Variants in SPOCK1 observed in about 807,000 individuals in gnomAD.
SPOCK1 encodes the protein testican-1.
SPOCK1 carries 23 observed loss-of-function variants against 55.3 expected under a neutral mutation model. That is an observed-to-expected ratio of 0.42 (90% CI 0.30 to 0.59). The LOEUF (loss-of-function observed/expected upper bound fraction) is 0.59. Among genes scored for constraint, SPOCK1 ranks in the 20% least tolerant of loss-of-function variants. The pLI, the probability that SPOCK1 is intolerant of heterozygous loss-of-function variation, is 0.22. For synonymous variants in SPOCK1, 226 were observed against 221.0 expected, an observed-to-expected ratio of 1.02 and a Z score of -0.20; for missense variants, 499 against 552.5, an observed-to-expected ratio of 0.90 and a Z score of 0.97.
chr5:137,363,652 A>C (rs963973676), intron 2 of SPOCK1, among the ~76,000 whole-genome samples: 1 of 152,218 alleles, frequency 6.6e-6, no homozygotes, highest in Non-Finnish European at 1.5e-5. Flanking sequence ...GACGGGGACT[A>C]GATTTGTCTT....
intron 4 of SPOCK1, among the ~76,000 whole-genome samples, chr5:137,126,688 GGAGGCGGAGGCTGCAGT>G (rs1432505735): frequency 2.6e-5 from 4 of 152,142 alleles, no homozygotes; most frequent in African/African-American, 9.7e-5. Flanking sequence ...CTTGAACCCA[GGAGGCGGAGGCTGCAGT>G]GAGCTGAGAT....
At chr5:137,215,464 C>T (rs186544273) in intron 3 of SPOCK1, among the ~76,000 whole-genome samples, 107 of 152,222 alleles carry the variant, frequency 7.0e-4, no homozygotes, top group Non-Finnish European at 1.2e-3. Flanking sequence ...CAAAATGTCT[C>T]GTCTTCAATG....
intron 3 of SPOCK1, among the ~76,000 whole-genome samples, chr5:137,177,675 T>A (rs989147265): frequency 2.0e-5 from 3 of 152,062 alleles, no homozygotes; most frequent in African/African-American, 7.2e-5. Context: ...TTAAAAAAAG[T>A]ATTCCTCCGC....
chr5:137,456,446 T>C (rs1561540598), intron 2 of SPOCK1, among the ~76,000 whole-genome samples: 2 of 152,212 alleles, frequency 1.3e-5, no homozygotes, highest in African/African-American at 4.8e-5. Context: ...CCTTTATAAC[T>C]TCTAATTCTC....
intron 3 of SPOCK1, among the ~76,000 whole-genome samples, chr5:137,252,082 T>C (rs1024578509): frequency 2.0e-5 from 3 of 152,124 alleles, no homozygotes; most frequent in Non-Finnish European, 2.9e-5. Context: ...CCTGCCACCA[T>C]GTCCAACTAA....
chr5:137,178,253 T>G (rs76387539), intron 3 of SPOCK1, among the ~76,000 whole-genome samples: 18,197 of 152,256 alleles, frequency 0.12, 1,380 homozygotes, highest in East Asian at 0.23. Flanking sequence ...TGAGGGAAAT[T>G]TGTCTGTTTA....
At chr5:137,401,754 G>T (rs1436684297) in intron 2 of SPOCK1, among the ~76,000 whole-genome samples, 1 of 151,782 alleles carries the variant, frequency 6.6e-6, no homozygotes, top group Non-Finnish European at 1.5e-5. Flanking sequence ...AAAAAGAAAG[G>T]TTGGGAAATG....
At chr5:137,125,918 G>T (rs1753775008) in intron 4 of SPOCK1, among the ~76,000 whole-genome samples, 1 of 152,194 alleles carries the variant, frequency 6.6e-6, no homozygotes. Flanking sequence ...AAGAAAAGGA[G>T]AGAGCTATAG....
intron 4 of SPOCK1, among the ~76,000 whole-genome samples, chr5:137,133,818 T>C (rs1300450591): frequency 2.0e-5 from 3 of 152,204 alleles, no homozygotes; most frequent in Non-Finnish European, 4.4e-5. Flanking sequence ...CTCAGAATTA[T>C]TGCTTTGGGC....
chr5:137,426,503 C>G (rs1233244202), intron 2 of SPOCK1, among the ~76,000 whole-genome samples: 1 of 152,060 alleles, frequency 6.6e-6, no homozygotes, highest in Non-Finnish European at 1.5e-5. Context: ...TCTTGATGTT[C>G]GACATATTTC....
At chr5:137,427,454 G>A (rs1307969849) in intron 2 of SPOCK1, among the ~76,000 whole-genome samples, 2 of 152,192 alleles carry the variant, frequency 1.3e-5, no homozygotes, top group African/African-American at 2.4e-5. Context: ...CCAAGGGCAT[G>A]GGCAAGGGCT....
At chr5:136,985,243 G>A in intron 8 of SPOCK1, 41 bp from the exon 9 acceptor site, 1 of 1,554,286 alleles carries the variant, frequency 6.4e-7, no homozygotes, top group Non-Finnish European at 8.9e-7. Context: ...AGATGGTATG[G>A]AGTATAATCG....
chr5:136,978,498 C>T lies in SPOCK1; in HGVS notation c.*156G>A. On this transcript the variant is annotated 3_prime_UTR_variant, in exon 11 of 11. Coordinates refer to ENST00000394945, the MANE Select transcript of SPOCK1 (RefSeq NM_004598.4). ...TACAAACATATGCAAAATCAGAATC[C>T]TCTGGGAACAAGCAGTTGTCTTCCA... is the stretch of plus-strand genomic sequence containing the variant. 1 of 633,560 alleles carries T rather than the reference C, an allele frequency of 1.6e-6. No individual in the cohort carries two copies. The highest frequency in any genetic ancestry group is 2.5e-6 in the Non-Finnish European group (1 of 404,660). The allele number at this position is 633,560 out of a possible 1,614,324, so 39.2% of individuals were successfully genotyped here. A position where few individuals can be genotyped will look rare whatever the true frequency, so the allele number is the denominator to read the frequency against.
intron 3 of SPOCK1, among the ~76,000 whole-genome samples, chr5:137,264,974 T>A (rs757002754): frequency 2.4e-4 from 37 of 152,128 alleles, no homozygotes; most frequent in Non-Finnish European, 4.9e-4. Flanking sequence ...TCCCATAAAG[T>A]CATAAGGTTT....
intron 3 of SPOCK1, among the ~76,000 whole-genome samples, chr5:137,207,695 G>A (rs912803383): frequency 1.3e-5 from 2 of 152,154 alleles, no homozygotes; most frequent in Admixed American, 6.5e-5. Context: ...CCGAGCACAT[G>A]TGATGTGCTG....
chr5:137,131,285 G>T (rs978867169), intron 4 of SPOCK1, among the ~76,000 whole-genome samples: 1 of 152,200 alleles, frequency 6.6e-6, no homozygotes, highest in African/African-American at 2.4e-5. Context: ...AAGTAAAAGT[G>T]GGAAAGTTCA....
chr5:137,431,057 A>G (rs1353009574), intron 2 of SPOCK1, among the ~76,000 whole-genome samples: 3 of 152,226 alleles, frequency 2.0e-5, no homozygotes, highest in Admixed American at 1.3e-4. Context: ...TTGGGGCTGT[A>G]ACAGCCACCC....
At chr5:137,309,545 A>G (rs1580859609) in intron 2 of SPOCK1, among the ~76,000 whole-genome samples, 2 of 152,192 alleles carry the variant, frequency 1.3e-5, no homozygotes, top group East Asian at 1.9e-4. Flanking sequence ...CTCTTGGGAC[A>G]TGCACTAAAC....
intron 2 of SPOCK1, among the ~76,000 whole-genome samples, chr5:137,327,721 G>A (rs575480174): frequency 6.6e-6 from 1 of 152,100 alleles, no homozygotes; most frequent in African/African-American, 2.4e-5. Flanking sequence ...CATCTGCAAG[G>A]TAGAAAATAA....
Sources: gnomAD v4.1 joint callset for allele counts (sites outside exome capture counted in the v4.1 genomes callset) on GRCh38, gnomAD v4.1.1 for gene constraint, MANE v1.5 for transcripts, NCBI Gene and HGNC (gene_info 2026-07-23, HGNC 2026-07-21) for gene names.